Variants in FYN observed in about 807,000 individuals in gnomAD.
FYN encodes the protein tyrosine-protein kinase Fyn.
Under a neutral mutation model 70.2 loss-of-function variants are expected in FYN, and 10 were observed. That is an observed-to-expected ratio of 0.14 (90% CI 0.09 to 0.24). The LOEUF is 0.24. Among genes scored for constraint, FYN ranks in the 10% least tolerant of loss-of-function variants. The pLI is 1.00. For missense variants in FYN, 319 were observed against 673.1 expected, an observed-to-expected ratio of 0.47 and a Z score of 5.82; for synonymous variants, 236 against 248.6, an observed-to-expected ratio of 0.95 and a Z score of 0.48.
intron 3 of FYN, among the ~76,000 whole-genome samples, chr6:111,746,457 C>T (rs1462281163): frequency 2.0e-5 from 3 of 152,094 alleles, no homozygotes; most frequent in Non-Finnish European, 4.4e-5. Context: ...TTTTATGTGG[C>T]AAGTTTTTGA....
chr6:111,734,994 C>T (rs1464155961), intron 3 of FYN, among the ~76,000 whole-genome samples: 4 of 152,136 alleles, frequency 2.6e-5, no homozygotes, highest in Admixed American at 6.5e-5. Context: ...AGAGGGGACA[C>T]AGAGGGAGTT....
At chr6:111,675,454 G>A (rs1003936473) in intron 12 of FYN, among the ~76,000 whole-genome samples, 2 of 151,614 alleles carry the variant, frequency 1.3e-5, no homozygotes, top group African/African-American at 4.9e-5. Flanking sequence ...AAGGAAGGGT[G>A]TGGTCCACCT....
intron 3 of FYN, among the ~76,000 whole-genome samples, chr6:111,762,964 C>T (rs1803068383): frequency 6.6e-6 from 1 of 152,182 alleles, no homozygotes; most frequent in Non-Finnish European, 1.5e-5. Context: ...TACATTTATG[C>T]TCTCCAAAGC....
chr6:111,871,916 AT>A (rs932617191), intron 1 of FYN, among the ~76,000 whole-genome samples: 2 of 152,132 alleles, frequency 1.3e-5, no homozygotes, highest in Non-Finnish European at 2.9e-5. Context: ...GGGTTCTTTT[AT>A]TTTTTGGTAA....
intron 3 of FYN, among the ~76,000 whole-genome samples, chr6:111,757,088 G>A (rs1007964049): frequency 6.6e-6 from 1 of 152,140 alleles, no homozygotes; most frequent in Non-Finnish European, 1.5e-5. Flanking sequence ...TGGTATGTCT[G>A]TTACACAGAA....
intron 8 of FYN, among the ~76,000 whole-genome samples, chr6:111,701,214 G>C (rs1361668934): frequency 6.6e-6 from 1 of 151,862 alleles, no homozygotes; most frequent in South Asian, 2.1e-4. Context: ...TAACCTTTTA[G>C]AATCTGGCAG....
At chr6:111,790,236 T>G (rs901996191) in intron 2 of FYN, among the ~76,000 whole-genome samples, 21 of 139,602 alleles carry the variant, frequency 1.5e-4, no homozygotes, top group Non-Finnish European at 2.7e-4. Context: ...TTGGTAGTTC[T>G]GAACCTTAGA....
chr6:111,719,356 G>C (rs1427252711), intron 4 of FYN, among the ~76,000 whole-genome samples: 4 of 151,066 alleles, frequency 2.6e-5, no homozygotes, highest in Non-Finnish European at 5.9e-5. Context: ...AGGAAGAAGT[G>C]AGTGGGAAGA....
At chr6:111,821,902 G>A (rs917858849) in intron 2 of FYN, among the ~76,000 whole-genome samples, 18 of 152,300 alleles carry the variant, frequency 1.2e-4, no homozygotes, top group Admixed American at 9.1e-4. Flanking sequence ...CTGGCCATCA[G>A]AGAAATGCAA....
chr6:111,698,007 T>A (rs144157712), intron 9 of FYN, among the ~76,000 whole-genome samples: 12 of 152,184 alleles, frequency 7.9e-5, no homozygotes, highest in African/African-American at 2.9e-4. Flanking sequence ...AGCTAACTCA[T>A]ACATATATAT....
intron 2 of FYN, among the ~76,000 whole-genome samples, chr6:111,807,481 G>C (rs1562528650): frequency 2.6e-5 from 4 of 152,306 alleles, no homozygotes; most frequent in Non-Finnish European, 5.9e-5. Context: ...TTAAAGGATA[G>C]TTCTTCTTTA....
intron 4 of FYN, 104 bp from the exon 5 acceptor site, chr6:111,714,547 G>A: frequency 1.2e-6 from 1 of 811,474 alleles, no homozygotes; most frequent in South Asian, 1.5e-5. Flanking sequence ...TCTACATCTA[G>A]CCAGCACTAA....
intron 2 of FYN, among the ~76,000 whole-genome samples, chr6:111,806,274 T>A (rs1772144322): frequency 6.6e-6 from 1 of 152,024 alleles, no homozygotes; most frequent in Non-Finnish European, 1.5e-5. Context: ...TAAAGAACCA[T>A]CTCTCTCTTT....
chr6:111,789,359 G>A (rs1018930396), intron 2 of FYN, among the ~76,000 whole-genome samples: 5 of 152,184 alleles, frequency 3.3e-5, no homozygotes, highest in African/African-American at 1.2e-4. Context: ...CATGCAAATG[G>A]ATGACTGGAT....
chr6:111,675,503 AGGG>A (rs1798489378), intron 12 of FYN, among the ~76,000 whole-genome samples: 1 of 152,124 alleles, frequency 6.6e-6, no homozygotes, highest in South Asian at 2.1e-4. Context: ...GGGAATTAAA[AGGG>A]ATTCAGGCCG....
chr6:111,821,265 G>C (rs925242520), intron 2 of FYN, among the ~76,000 whole-genome samples: 8 of 151,856 alleles, frequency 5.3e-5, no homozygotes, highest in African/African-American at 9.7e-5. Flanking sequence ...AAAACAGCAT[G>C]GTACTGGTAC....
intron 1 of FYN, among the ~76,000 whole-genome samples, chr6:111,859,101 C>T (rs1773895066): frequency 6.6e-6 from 1 of 152,146 alleles, no homozygotes; most frequent in Non-Finnish European, 1.5e-5. Flanking sequence ...CTTTGTCACT[C>T]CTCTTCCGTA....
chr6:111,667,883 G>A (rs1266792546), intron 13 of FYN, among the ~76,000 whole-genome samples: 2 of 152,182 alleles, frequency 1.3e-5, no homozygotes, highest in Admixed American at 1.3e-4. Flanking sequence ...TTGACTATGG[G>A]TTGCAAAACC....
At chr6:111,665,995 CTTTTTTT>C (rs991104460) in intron 13 of FYN, among the ~76,000 whole-genome samples, 3 of 89,078 alleles carry the variant, frequency 3.4e-5, no homozygotes, top group African/African-American at 1.4e-4. Flanking sequence ...CCTTTTTCTC[CTTTTTTT>C]TTTTTTTTTT....
Sources: gnomAD v4.1 joint callset for allele counts (sites outside exome capture counted in the v4.1 genomes callset) on GRCh38, gnomAD v4.1.1 for gene constraint, MANE v1.5 for transcripts, NCBI Gene and HGNC (gene_info 2026-07-23, HGNC 2026-07-21) for gene names.